GPR158: variants seen among roughly 807,000 people sequenced by gnomAD.
The protein encoded by GPR158 is G protein-coupled receptor 158.
A neutral mutation model predicts 78.2 loss-of-function variants in GPR158; 30 were observed. The ratio of observed to expected loss-of-function variants is 0.38; its 90% CI spans 0.29 to 0.52. The LOEUF is 0.52. GPR158 is among the 20% of genes least tolerant of loss of function. The pLI is 0.83. For synonymous variants in GPR158, 581 were observed against 591.1 expected (o/e 0.98, Z 0.25); for missense variants, 1,463 against 1,523.5 (o/e 0.96, Z 0.66).
intron 1 of GPR158, among the ~76,000 whole-genome samples, chr10:25,187,478 A>G (rs1375947633): frequency 6.6e-6 from 1 of 152,226 alleles, no homozygotes; most frequent in Non-Finnish European, 1.5e-5. Flanking sequence ...CTAGTTCAAC[A>G]TACACAAATC....
chr10:25,269,145 T>C (rs1854082833), intron 2 of GPR158, among the ~76,000 whole-genome samples: 1 of 152,166 alleles, frequency 6.6e-6, no homozygotes, highest in South Asian at 2.1e-4. Context: ...ACCAAAGAAT[T>C]TCTGACAATA....
At chr10:25,386,255 A>G (rs1834220132) in intron 2 of GPR158, among the ~76,000 whole-genome samples, 1 of 152,156 alleles carries the variant, frequency 6.6e-6, no homozygotes, top group African/African-American at 2.4e-5. Flanking sequence ...TGAACATTAT[A>G]TGTAAGGGTT....
chr10:25,523,792 A>C (rs1020870570), intron 5 of GPR158, among the ~76,000 whole-genome samples: 1 of 152,324 alleles, frequency 6.6e-6, no homozygotes, highest in Admixed American at 6.5e-5. Flanking sequence ...TACAACTTCT[A>C]TTCAACATTG....
intron 2 of GPR158, among the ~76,000 whole-genome samples, chr10:25,379,849 G>A (rs12762462): frequency 0.058 from 8,821 of 150,952 alleles, 311 homozygotes; most frequent in East Asian, 0.17. Context: ...TGAAATACTC[G>A]GTTTAATACA....
At chr10:25,401,850 T>TC (rs954585449) in intron 3 of GPR158, among the ~76,000 whole-genome samples, 3 of 152,118 alleles carry the variant, frequency 2.0e-5, no homozygotes, top group African/African-American at 7.2e-5. Context: ...TTTTCTTTTT[T>TC]CCCTAAGTAA....
At chr10:25,501,263 C>G (rs1216947414) in intron 5 of GPR158, among the ~76,000 whole-genome samples, 1 of 152,172 alleles carries the variant, frequency 6.6e-6, no homozygotes, top group East Asian at 1.9e-4. Context: ...TGCGCAGTCT[C>G]ACTCGGGGCA....
At chr10:25,542,178 C>G (rs1166840433) in intron 5 of GPR158, among the ~76,000 whole-genome samples, 3 of 151,924 alleles carry the variant, frequency 2.0e-5, no homozygotes, top group Non-Finnish European at 4.4e-5. Flanking sequence ...ACAGAAACCC[C>G]AAAGCACATA....
intron 4 of GPR158, among the ~76,000 whole-genome samples, chr10:25,435,391 A>G (rs943935641): frequency 1.3e-5 from 2 of 152,208 alleles, no homozygotes; most frequent in African/African-American, 4.8e-5. Flanking sequence ...AGGTCCTGGC[A>G]TTTAACCTGT....
At chr10:25,300,327 C>T (rs1285319534) in intron 2 of GPR158, among the ~76,000 whole-genome samples, 4 of 152,156 alleles carry the variant, frequency 2.6e-5, no homozygotes, top group South Asian at 2.1e-4. Flanking sequence ...CATCTCTGAG[C>T]ATTCTTCCAT....
At chr10:25,579,911 G>T (rs1282789485) in intron 7 of GPR158, among the ~76,000 whole-genome samples, 1 of 152,122 alleles carries the variant, frequency 6.6e-6, no homozygotes, top group East Asian at 1.9e-4. Context: ...CTGTATCACT[G>T]ATATAGCCTA....
intron 10 of GPR158, among the ~76,000 whole-genome samples, chr10:25,597,321 A>G (rs1837421094): frequency 6.6e-6 from 1 of 152,234 alleles, no homozygotes; most frequent in South Asian, 2.1e-4. Context: ...ACTCAGGGAT[A>G]TGGTTCACCT....
At chr10:25,206,796 G>A (rs1180132227) in intron 1 of GPR158, among the ~76,000 whole-genome samples, 1 of 151,806 alleles carries the variant, frequency 6.6e-6, no homozygotes, top group Non-Finnish European at 1.5e-5. Flanking sequence ...CTTGCCAGAA[G>A]GTAGGGTGAT....
chr10:25,528,244 G>A (rs1467974813), intron 5 of GPR158, among the ~76,000 whole-genome samples: 1 of 151,500 alleles, frequency 6.6e-6, no homozygotes, highest in Non-Finnish European at 1.5e-5. Flanking sequence ...AATTAGAAAA[G>A]AACATGACAA....
chr10:25,268,047 G>C (rs1854065971), intron 2 of GPR158, among the ~76,000 whole-genome samples: 1 of 152,010 alleles, frequency 6.6e-6, no homozygotes, highest in Non-Finnish European at 1.5e-5. Flanking sequence ...GACCACACAA[G>C]TCTTTTTTTT....
At chr10:25,186,960 A>ATTTTT (rs1172184108) in intron 1 of GPR158, among the ~76,000 whole-genome samples, 3 of 119,244 alleles carry the variant, frequency 2.5e-5, no homozygotes, top group Non-Finnish European at 3.5e-5. Flanking sequence ...TCCCTAACTC[A>ATTTTT]TTTTTTTTTT....
intron 4 of GPR158, among the ~76,000 whole-genome samples, chr10:25,433,038 A>G (rs1039725890): frequency 2.6e-5 from 4 of 152,216 alleles, no homozygotes; most frequent in Admixed American, 2.6e-4. Flanking sequence ...GAATTCTTAC[A>G]GTCACCATTT....
intron 5 of GPR158, among the ~76,000 whole-genome samples, chr10:25,498,306 C>G (rs1156332995): frequency 6.6e-6 from 1 of 152,142 alleles, no homozygotes; most frequent in African/African-American, 2.4e-5. Flanking sequence ...TGTAAAAATG[C>G]AGTCATTCAT....
intron 10 of GPR158, among the ~76,000 whole-genome samples, chr10:25,597,436 T>G (rs1232350092): frequency 1.3e-5 from 2 of 152,218 alleles, no homozygotes; most frequent in Admixed American, 6.5e-5. Context: ...ATACATGAGT[T>G]CGTGTCTTAA....
chr10:25,224,510 G>C (rs909547841), intron 2 of GPR158, among the ~76,000 whole-genome samples: 1 of 151,432 alleles, frequency 6.6e-6, no homozygotes, highest in Non-Finnish European at 1.5e-5. Flanking sequence ...TTTGTTAAAA[G>C]AATTATATAT....
Sources: allele counts gnomAD v4.1 joint callset (sites outside exome capture counted in the v4.1 genomes callset), GRCh38; gene constraint gnomAD v4.1.1; transcripts MANE v1.5; gene names NCBI Gene and HGNC (gene_info 2026-07-23, HGNC 2026-07-21).